Variants in EPHB2 observed in about 807,000 individuals in gnomAD.
EPHB2 encodes the protein ephrin type-B receptor 2.
Under a neutral mutation model 96.4 loss-of-function variants are expected in EPHB2, and 18 were observed. The ratio of observed to expected loss-of-function variants is 0.19; its 90% CI spans 0.13 to 0.28. EPHB2 has a LOEUF of 0.28. EPHB2 is among the 10% of genes least tolerant of loss of function. The pLI, the probability that EPHB2 is intolerant of heterozygous loss-of-function variation, is 1.00. For synonymous variants in EPHB2, 506 were observed against 534.1 expected (o/e 0.95, Z 0.72); for missense variants, 989 against 1,355.4 (o/e 0.73, Z 4.25).
intron 1 of EPHB2, among the ~76,000 whole-genome samples, chr1:22,713,260 G>A (rs1184098725): frequency 1.3e-5 from 2 of 152,162 alleles, no homozygotes; most frequent in East Asian, 1.9e-4. Context: ...GGAGCTGGCC[G>A]AATGGATGGG....
chr1:22,723,176 C>CT (rs1643505790), intron 1 of EPHB2, among the ~76,000 whole-genome samples: 2 of 152,226 alleles, frequency 1.3e-5, no homozygotes, highest in Non-Finnish European at 2.9e-5. Flanking sequence ...GCATCTGAAA[C>CT]GTGTAAGTGG....
intron 5 of EPHB2, among the ~76,000 whole-genome samples, chr1:22,876,273 G>A (rs530534804): frequency 7.0e-4 from 106 of 152,246 alleles, no homozygotes; most frequent in African/African-American, 2.4e-3. Context: ...GGGAAGCTGA[G>A]CCAATCCCCA....
At chr1:22,834,332 A>G (rs1557702417) in intron 3 of EPHB2, among the ~76,000 whole-genome samples, 1 of 152,212 alleles carries the variant, frequency 6.6e-6, no homozygotes, top group Non-Finnish European at 1.5e-5. Context: ...TAACTCTCCC[A>G]AAGACATCCA....
intron 5 of EPHB2, among the ~76,000 whole-genome samples, chr1:22,867,708 C>T (rs1638525133): frequency 6.6e-6 from 1 of 152,080 alleles, no homozygotes; most frequent in Non-Finnish European, 1.5e-5. Flanking sequence ...CCCATCTCTA[C>T]TAAAAATACA....
At chr1:22,731,449 C>G (rs570222084) in intron 1 of EPHB2, among the ~76,000 whole-genome samples, 54 of 152,328 alleles carry the variant, frequency 3.5e-4, no homozygotes, top group African/African-American at 1.2e-3. Context: ...GGACAAGTTG[C>G]TTCACTTCTT....
At chr1:22,911,461 C>A (rs1451379644) in intron 14 of EPHB2, among the ~76,000 whole-genome samples, 1 of 152,158 alleles carries the variant, frequency 6.6e-6, no homozygotes, top group Non-Finnish European at 1.5e-5. Context: ...TCACCATACA[C>A]CCATCTGTGC....
chr1:22,791,654 C>T (rs1319968474), intron 3 of EPHB2, among the ~76,000 whole-genome samples: 1 of 151,954 alleles, frequency 6.6e-6, no homozygotes, highest in Non-Finnish European at 1.5e-5. Flanking sequence ...GACATCTTTG[C>T]ATATCATGTC....
intron 3 of EPHB2, among the ~76,000 whole-genome samples, chr1:22,806,432 A>G (rs1481568712): frequency 6.6e-6 from 1 of 152,170 alleles, no homozygotes. Context: ...GGCACATAGC[A>G]AATGCTCAAC....
intron 3 of EPHB2, among the ~76,000 whole-genome samples, chr1:22,849,419 G>C (rs1221946161): frequency 6.6e-6 from 1 of 152,080 alleles, no homozygotes; most frequent in African/African-American, 2.4e-5. Context: ...GCTCCCTGAG[G>C]TCAGGGCCTG....
rs990046532 is a variant in EPHB2, at chr1:22,790,705, C to T, written c.811+5629C>T. On this transcript the variant is annotated intron_variant, in intron 3 of 15. Coordinates refer to ENST00000374630, the MANE Select transcript of EPHB2 (RefSeq NM_017449.5). This position sits in a 1 kb window ranked among gnomAD's most constrained non-coding sequence, Gnocchi z 4.0. Reference sequence around the variant, plus strand: ...TCTCCCAGTGGCCAACCCGCATCTGCGAGGGATCTGGAGGCAGTTCCGCAG... The same window carrying T: ...TCTCCCAGTGGCCAACCCGCATCTGTGAGGGATCTGGAGGCAGTTCCGCAG... 1.3e-5 allele frequency among the ~76,000 whole-genome samples: 2 copies of T among 152,206 alleles called. No homozygotes were observed. The highest frequency in any genetic ancestry group is 2.4e-5 in the African/African-American group (1 of 41,450).
At chr1:22,833,895 G>A (rs564633735) in intron 3 of EPHB2, among the ~76,000 whole-genome samples, 2 of 152,218 alleles carry the variant, frequency 1.3e-5, no homozygotes, top group Admixed American at 6.5e-5. Context: ...AGAAAATTAT[G>A]TATCAGCAAA....
At chr1:22,895,070 T>C (rs1385056014) in intron 7 of EPHB2, among the ~76,000 whole-genome samples, 1 of 152,058 alleles carries the variant, frequency 6.6e-6, no homozygotes, top group Non-Finnish European at 1.5e-5. Flanking sequence ...ACACAGTCAC[T>C]TTGCCTTACT....
intron 1 of EPHB2, among the ~76,000 whole-genome samples, chr1:22,718,313 CCTT>C (rs1004373771): frequency 1.3e-5 from 2 of 151,924 alleles, no homozygotes; most frequent in Non-Finnish European, 2.9e-5. Context: ...GCTGTACCCT[CCTT>C]CTTTGCCCAG....
Position 22,913,828 on chromosome 1 carries a change from G to A in EPHB2, c.*258G>A. ...AAATACAAGGAATATTTTTTAAAGA[G>A]GATTCTCATAAGGAAAGCAATGACT... On this transcript the variant is annotated 3_prime_UTR_variant, in exon 16 of 16. Coordinates refer to ENST00000374630, the MANE Select transcript of EPHB2 (RefSeq NM_017449.5). The surrounding 1 kb of genome is among the most constrained non-coding windows in gnomAD (Gnocchi z 4.1). 1 of 1,610,602 alleles carries A rather than the reference G, an allele frequency of 6.2e-7. No homozygotes were observed. Among genetic ancestry groups the A allele is most frequent in the Non-Finnish European group, 8.5e-7 (1 of 1,178,646 alleles).
chr1:22,852,707 C>T (rs1350912017), intron 3 of EPHB2, among the ~76,000 whole-genome samples: 4 of 152,212 alleles, frequency 2.6e-5, no homozygotes, highest in Non-Finnish European at 5.9e-5. Flanking sequence ...GTGAGCTCCC[C>T]CTACAACTGG....
At chr1:22,882,754 C>G in intron 6 of EPHB2, 1 of 415,770 alleles carries the variant, frequency 2.4e-6, no homozygotes, top group Non-Finnish European at 4.5e-6. Context: ...CAGTCACATC[C>G]CTTTCCCTAC....
At position 22,808,705 on chromosome 1, in the gene EPHB2, A is replaced by T. The variant is rs544250563; in HGVS notation, c.811+23629A>T. 2.0e-5 allele frequency among the ~76,000 whole-genome samples: 3 copies of T among 152,352 alleles called. No individual in the cohort carries two copies. In the South Asian group the frequency reaches 6.2e-4, roughly 32 times the overall value. On this transcript the variant is annotated intron_variant, in intron 3 of 15. Transcript: ENST00000374630. ...GTTCTAAGCTCTTAATGTATATTTAATTCCCGTAACACCCTTATGACACGG... is the reference window on the plus strand; with the variant it reads ...GTTCTAAGCTCTTAATGTATATTTATTTCCCGTAACACCCTTATGACACGG...
intron 1 of EPHB2, among the ~76,000 whole-genome samples, chr1:22,767,307 C>A (rs1010610355): frequency 6.6e-6 from 1 of 152,190 alleles, no homozygotes; most frequent in South Asian, 2.1e-4. Context: ...CCCTTCCCGA[C>A]GCCACTACCT....
chr1:22,872,679 TG>T (rs1273278269), intron 5 of EPHB2, among the ~76,000 whole-genome samples: 8 of 152,214 alleles, frequency 5.3e-5, no homozygotes, highest in African/African-American at 1.9e-4. Flanking sequence ...ACCGGGTGTC[TG>T]TGACACCACT....
Sources: gnomAD v4.1 joint callset for allele counts (sites outside exome capture counted in the v4.1 genomes callset) on GRCh38, gnomAD v4.1.1 for gene constraint, Gnocchi (gnomAD v3.1) non-coding constraint, MANE v1.5 for transcripts, NCBI Gene and HGNC (gene_info 2026-07-23, HGNC 2026-07-21) for gene names.